The following TMEM132D variants were observed in gnomAD, a reference collection of about 807,000 sequenced individuals.
TMEM132D encodes transmembrane protein 132D.
TMEM132D carries 21 observed loss-of-function variants against 62.3 expected under a neutral mutation model. The ratio of observed to expected loss-of-function variants is 0.34; its 90% CI spans 0.24 to 0.49. The LOEUF is 0.49. TMEM132D is among the 20% of genes least tolerant of loss of function. TMEM132D has a pLI of 0.99. For missense variants in TMEM132D, 1,346 were observed against 1,402.8 expected (o/e 0.96, Z 0.65); for synonymous variants, 621 against 575.6 (o/e 1.08, Z -1.13).
chr12:129,354,355 G>A (rs192388595), intron 3 of TMEM132D, among the ~76,000 whole-genome samples: 206 of 146,426 alleles, frequency 1.4e-3, no homozygotes, highest in Non-Finnish European at 2.3e-3. Context: ...TCAGAGTCTC[G>A]CTCCGTCACG....
intron 5 of TMEM132D, among the ~76,000 whole-genome samples, chr12:129,158,774 A>G (rs1949060035): frequency 1.3e-5 from 2 of 152,244 alleles, no homozygotes; most frequent in South Asian, 4.1e-4. Flanking sequence ...TCACAATGCT[A>G]TAAATATACT....
At chr12:129,321,658 G>A (rs60712985) in intron 4 of TMEM132D, among the ~76,000 whole-genome samples, 1,746 of 152,070 alleles carry the variant, frequency 0.011, 38 homozygotes, top group African/African-American at 0.04. Flanking sequence ...CCAGGTTCAC[G>A]CCATTCTCCT....
chr12:129,742,771 C>T (rs1440667222), intron 1 of TMEM132D, among the ~76,000 whole-genome samples: 2 of 152,064 alleles, frequency 1.3e-5, no homozygotes, highest in African/African-American at 4.8e-5. Context: ...TGAGATAGAC[C>T]CAGTGTCTTC....
chr12:129,200,726 C>A (rs1475112462), intron 5 of TMEM132D, among the ~76,000 whole-genome samples: 1 of 152,224 alleles, frequency 6.6e-6, no homozygotes, highest in Non-Finnish European at 1.5e-5. Context: ...GGCTCTCCAC[C>A]ACTCTCCTCT....
chr12:129,171,571 T>C (rs1408865347), intron 5 of TMEM132D, among the ~76,000 whole-genome samples: 1 of 152,246 alleles, frequency 6.6e-6, no homozygotes, highest in Non-Finnish European at 1.5e-5. Context: ...ACAAAATGTA[T>C]TTCTTAAGTA....
chr12:129,504,301 A>C (rs574632148), intron 3 of TMEM132D, among the ~76,000 whole-genome samples: 1 of 152,332 alleles, frequency 6.6e-6, no homozygotes, highest in South Asian at 2.1e-4. Flanking sequence ...TACCTTGTAG[A>C]ATAGTGTCAG....
intron 5 of TMEM132D, among the ~76,000 whole-genome samples, chr12:129,130,015 C>G (rs868652347): frequency 2.1e-5 from 3 of 141,956 alleles, no homozygotes; most frequent in African/African-American, 7.9e-5. Context: ...AAGCTCTGCT[C>G]TGTGTGTGTG....
intron 4 of TMEM132D, among the ~76,000 whole-genome samples, chr12:129,261,216 G>T (rs1880543111): frequency 6.6e-6 from 1 of 152,152 alleles, no homozygotes; most frequent in Admixed American, 6.6e-5. Context: ...CATAGATTGT[G>T]ATGCAGTTTG....
chr12:129,327,530 A>G (rs907951238), intron 4 of TMEM132D, among the ~76,000 whole-genome samples: 1 of 152,266 alleles, frequency 6.6e-6, no homozygotes, highest in African/African-American at 2.4e-5. Context: ...CTTAGATTAT[A>G]GAACGTTTAT....
chr12:129,744,984 G>A (rs191904154), intron 1 of TMEM132D, among the ~76,000 whole-genome samples: 1 of 152,260 alleles, frequency 6.6e-6, no homozygotes, highest in East Asian at 1.9e-4. Context: ...GTGATAGTGA[G>A]TGAATTCTCA....
chr12:129,303,858 C>T (rs1251425213), intron 4 of TMEM132D, among the ~76,000 whole-genome samples: 2 of 152,108 alleles, frequency 1.3e-5, no homozygotes, highest in East Asian at 1.9e-4. Context: ...GCATAAATCT[C>T]TGTGTCTACA....
At chr12:129,297,109 C>T (rs1201005794) in intron 4 of TMEM132D, among the ~76,000 whole-genome samples, 1 of 152,196 alleles carries the variant, frequency 6.6e-6, no homozygotes, top group African/African-American at 2.4e-5. Context: ...ACAGCCTGGA[C>T]ACGCAGGGAG....
chr12:129,188,840 GAA>G (rs1284022875), intron 5 of TMEM132D, among the ~76,000 whole-genome samples: 4 of 151,776 alleles, frequency 2.6e-5, no homozygotes, highest in Non-Finnish European at 5.9e-5. Flanking sequence ...AATCAGAAAT[GAA>G]AGTGTTGTTA....
Position 129,256,714 on chromosome 12 carries a change from G to A in TMEM132D, c.1300-47051C>T, listed in dbSNP as rs78396782. Among the ~76,000 whole-genome samples the A allele has an allele frequency of 6.8e-4, 103 of 152,170 alleles. 1 individual carries two copies. In the East Asian group the frequency reaches 0.019, roughly 27 times the overall value. On this transcript the variant is annotated intron_variant, in intron 4 of 8. Coordinates refer to ENST00000422113, the MANE Select transcript of TMEM132D (RefSeq NM_133448.3). ...TGGGATTACAGGCGTGCACCATCAC[G>A]TCTAGCTAATTTTTGTATTTTTAGT...
chr12:129,404,721 C>T (rs1871728125), intron 3 of TMEM132D, among the ~76,000 whole-genome samples: 1 of 152,022 alleles, frequency 6.6e-6, no homozygotes, highest in South Asian at 2.1e-4. Flanking sequence ...ACAACCAGAT[C>T]TCCTGTGAGA....
intron 2 of TMEM132D, among the ~76,000 whole-genome samples, chr12:129,577,956 A>T (rs1180263738): frequency 6.6e-6 from 1 of 152,230 alleles, no homozygotes; most frequent in Admixed American, 6.5e-5. Flanking sequence ...ATCAGCAGAC[A>T]GAGTAAAGAA....
chr12:129,813,631 T>TATATATATATATATATATATA (rs36010730), intron 1 of TMEM132D, among the ~76,000 whole-genome samples: 13 of 144,012 alleles, frequency 9.0e-5, no homozygotes, highest in East Asian at 6.5e-4. Context: ...TATATATATA[T>TATATATATATATATATATATA]TTTCAGGACT....
At chr12:129,809,040 G>T (rs1872082347) in intron 1 of TMEM132D, among the ~76,000 whole-genome samples, 1 of 152,172 alleles carries the variant, frequency 6.6e-6, no homozygotes, top group Non-Finnish European at 1.5e-5. Flanking sequence ...GGGCGCAGTG[G>T]CTCACGCCTG....
chr12:129,357,427 CGGAA>C (rs1170370171), intron 3 of TMEM132D, among the ~76,000 whole-genome samples: 2 of 120,406 alleles, frequency 1.7e-5, no homozygotes, highest in African/African-American at 6.5e-5. Context: ...GAAAGAAAGA[CGGAA>C]GGAAAGAAAA....
Sources: gnomAD v4.1 joint callset for allele counts (sites outside exome capture counted in the v4.1 genomes callset) on GRCh38, gnomAD v4.1.1 for gene constraint, MANE v1.5 for transcripts, NCBI Gene and HGNC (gene_info 2026-07-23, HGNC 2026-07-21) for gene names.